Variants in MYO10 observed in about 807,000 individuals in gnomAD.
MYO10 encodes myosin X.
Under a neutral mutation model 257.3 loss-of-function variants are expected in MYO10, and 133 were observed. That is an observed-to-expected ratio of 0.52 (90% confidence interval 0.45 to 0.60). The LOEUF is 0.60. MYO10 is among the 20% of genes least tolerant of loss of function. MYO10 has a pLI of 0.00. For synonymous variants in MYO10, 1,104 were observed against 1,028.6 expected (o/e 1.07, Z -1.40); for missense variants, 2,399 against 2,635.7 (o/e 0.91, Z 1.97).
chr5:16,874,343 GC>G (rs1472857447), intron 2 of MYO10, among the ~76,000 whole-genome samples: 417 of 35,286 alleles, frequency 0.012, 18 homozygotes, highest in African/African-American at 0.044. Context: ...AAAAAAAAAA[GC>G]GGGGGGGGGG....
rs1429150475 is a variant in MYO10, at chr5:16,662,712, CACCT to C, written c.*3976_*3979del. Reference sequence around the variant, plus strand: ...CTTGAATTATAGCTCCCATAATCCCCACCTGTCACGGGAGGGACCTGATGGGAGG... The same window carrying C: ...CTTGAATTATAGCTCCCATAATCCCCGTCACGGGAGGGACCTGATGGGAGG... On this transcript the variant is annotated 3_prime_UTR_variant, in exon 41 of 41. Transcript: ENST00000513610. The C allele has an allele frequency of 2.6e-5, 4 of 152,094 alleles. No individual in the cohort carries two copies. The South Asian group carries it at 8.3e-4, about 32-fold the overall frequency. The allele number at this position is 152,094 out of a possible 1,614,324, so 9.4% of individuals were successfully genotyped here.
intron 2 of MYO10, among the ~76,000 whole-genome samples, chr5:16,844,984 T>C (rs1318185402): frequency 6.6e-6 from 1 of 151,960 alleles, no homozygotes; most frequent in Non-Finnish European, 1.5e-5. Context: ...ACACAGTGTA[T>C]TTCCCTTTTC....
At chr5:16,743,675 C>T (rs1740089898) in intron 19 of MYO10, among the ~76,000 whole-genome samples, 1 of 151,936 alleles carries the variant, frequency 6.6e-6, no homozygotes, top group African/African-American at 2.4e-5. Context: ...CTCAATGCTT[C>T]ACCCTTTGAC....
rs185651996 is a variant in MYO10, at chr5:16,674,923, G to C, written c.4894C>G (p.Leu1632Val). Residue 1632 changes from leucine to valine, a missense_variant, in exon 35 of 41, where the codon CTG becomes GTG. Leu to Val is a conservative substitution (Grantham distance 32, BLOSUM62 1). Around this residue, in one of 3 missense-constraint regions of MYO10, gnomAD observed 1,820 missense variants for 1,939.4 expected, o/e 0.94. Transcript: ENST00000513610. ...AGGAAGGTGCAGCTCAGGCATGTCA[G>C]GATCTGCCAGCTGTACAGGTTGCCC... Reference protein sequence around the residue: ...SVGNLYSWQILTCLSCTFLPS... With the variant: ...SVGNLYSWQIVTCLSCTFLPS... 7.3e-4 allele frequency: 1,184 copies of C among 1,614,032 alleles called. 7 individuals carry two copies. The highest frequency in any genetic ancestry group is 4.3e-5 in the Non-Finnish European group (51 of 1,179,900).
intron 3 of MYO10, among the ~76,000 whole-genome samples, chr5:16,800,031 C>A (rs1315651980): frequency 6.6e-6 from 1 of 152,092 alleles, no homozygotes; most frequent in Non-Finnish European, 1.5e-5. Context: ...CAGATGGCCT[C>A]AAAAAGCACA....
chr5:16,718,091 C>G (rs1441065673), intron 19 of MYO10, among the ~76,000 whole-genome samples: 4 of 152,232 alleles, frequency 2.6e-5, no homozygotes, highest in Non-Finnish European at 4.4e-5. Flanking sequence ...GGACTTAGCA[C>G]CTGGGCCAGT....
At chr5:16,765,091 A>T (rs1465464968) in intron 11 of MYO10, among the ~76,000 whole-genome samples, 1 of 152,120 alleles carries the variant, frequency 6.6e-6, no homozygotes, top group Non-Finnish European at 1.5e-5. Context: ...TATGGTCAGC[A>T]TTTTCATTTA....
rs539862992 is a variant in MYO10, at chr5:16,723,222, A to G, written c.1930-11977T>C. Among the ~76,000 whole-genome samples, 525 of 150,510 alleles carry G rather than the reference A, an allele frequency of 3.5e-3. 4 individuals carry two copies. Among genetic ancestry groups the G allele is most frequent in the African/African-American group, 0.013 (501 of 39,968 alleles). ...ACACAGTGAAACCCCGTCTCTACTA[A>G]AAATACAAAAAAAAAATTAGCTGGG... On this transcript the variant is annotated intron_variant, in intron 19 of 40. Coordinates refer to ENST00000513610, the MANE Select transcript of MYO10 (RefSeq NM_012334.3).
rs1740711883 is a variant in MYO10, at chr5:16,761,489, G to A, written c.1714C>T (p.Leu572Phe). Residue 572 changes from leucine (L) to phenylalanine (F), a missense_variant, in exon 17 of 41, where the codon CTT becomes TTT. Leu to Phe is a conservative substitution (Grantham distance 22). Around this residue, in one of 3 missense-constraint regions of MYO10, gnomAD observed 1,820 missense variants for 1,939.4 expected, o/e 0.94. Coordinates refer to ENST00000513610, the MANE Select transcript of MYO10 (RefSeq NM_012334.3). ...CGGCTTTCTCTTAGCAAATTGAGAA[G>A]GTCATCTCGAAATGTATCTCTGTTC... Reference protein sequence around the residue: ...EKNRDTFRDDLLNLLRESRFD... With the variant: ...EKNRDTFRDDFLNLLRESRFD... 6.2e-7 allele frequency: 1 copy of A among 1,612,872 alleles called. No homozygotes were observed. Among genetic ancestry groups the A allele is most frequent in the Non-Finnish European group, 8.5e-7 (1 of 1,179,488 alleles).
intron 1 of MYO10, among the ~76,000 whole-genome samples, chr5:16,883,101 G>A (rs1439627350): frequency 1.3e-5 from 2 of 151,842 alleles, no homozygotes; most frequent in African/African-American, 4.8e-5. Context: ...ATTTTTAGTA[G>A]AGACGAGGTT....
At chr5:16,930,998 A>G (rs40984) in intron 1 of MYO10, among the ~76,000 whole-genome samples, 71,738 of 152,004 alleles carry the variant, frequency 0.47, 17,281 homozygotes, top group African/African-American at 0.54. Flanking sequence ...CCGGCTGGGC[A>G]TGGTGGCTCA....
chr5:16,883,866 G>T (rs1185162524), intron 1 of MYO10, among the ~76,000 whole-genome samples: 1 of 152,142 alleles, frequency 6.6e-6, no homozygotes, highest in East Asian at 1.9e-4. Context: ...GATGACAGTG[G>T]ACTTTAAATA....
intron 19 of MYO10, among the ~76,000 whole-genome samples, chr5:16,747,947 G>GAAAAAAAAAA (rs1216946177): frequency 2.8e-4 from 23 of 81,584 alleles, no homozygotes; most frequent in African/African-American, 4.5e-4. Flanking sequence ...AAAAAAAAAA[G>GAAAAAAAAAA]AAAAAAAAAA....
chr5:16,724,581 A>G (rs1385758341), intron 19 of MYO10, among the ~76,000 whole-genome samples: 1 of 151,932 alleles, frequency 6.6e-6, no homozygotes, highest in African/African-American at 2.4e-5. Context: ...TTTTTTAATG[A>G]CTCACATGAC....
At chr5:16,873,830 A>G (rs886447540) in intron 2 of MYO10, among the ~76,000 whole-genome samples, 1 of 152,098 alleles carries the variant, frequency 6.6e-6, no homozygotes, top group African/African-American at 2.4e-5. Context: ...GAGACAGGGC[A>G]CCAAGTCCCT....
intron 19 of MYO10, chr5:16,738,180 C>T: frequency 3.0e-6 from 3 of 985,282 alleles, no homozygotes; most frequent in Non-Finnish European, 3.6e-6. Context: ...CTTTTGGAGC[C>T]CAGCGAGTGA....
rs776557100 is a variant in MYO10 at position 16,675,154 on chromosome 5, G to A, written c.4667-4C>T. On this transcript the variant is annotated splice_region_variant and splice_polypyrimidine_tract_variant and intron_variant, in intron 34 of 40. Coordinates refer to ENST00000513610, the MANE Select transcript of MYO10 (RefSeq NM_012334.3). ...GTATAGCCTTTGTCTTTGAGCACTAGGACAAGCAAAACAAACACGGAACTC... is the reference window on the plus strand; with the variant it reads ...GTATAGCCTTTGTCTTTGAGCACTAAGACAAGCAAAACAAACACGGAACTC... 10 of 1,612,684 alleles carry A rather than the reference G, an allele frequency of 6.2e-6. No homozygotes were observed. The Admixed American group carries it at 6.7e-5, about 11-fold the overall frequency.
rs1449839144 is a variant in MYO10, at chr5:16,766,130, A to T, written c.1129T>A (p.Ser377Thr). The change falls in exon 11 of 41, where the codon TCA becomes ACA. Residue 377 changes from serine (S) to threonine (T), a missense_variant. This residue lies in a region of MYO10 where 337 missense variants were observed against 446.8 expected (regional missense o/e 0.75). Coordinates refer to ENST00000513610, the MANE Select transcript of MYO10 (RefSeq NM_012334.3). ...ATCTCTTCTCCCCTGAGGAACATTG[A>T]TCTCTGGGTCAAAGCATCTGTGAGC... is the stretch of plus-strand genomic sequence containing the variant. ...TQLTDALTQRSMFLRGEEILT... is the reference protein window; with the variant it reads ...TQLTDALTQRTMFLRGEEILT... 3 of 1,613,824 alleles carry T rather than the reference A, an allele frequency of 1.9e-6. No homozygotes were observed. The highest frequency in any genetic ancestry group is 1.7e-4 in the Middle Eastern group (1 of 6,060).
chr5:16,791,990 C>T (rs1404090802), intron 4 of MYO10, among the ~76,000 whole-genome samples: 1 of 152,150 alleles, frequency 6.6e-6, no homozygotes, highest in East Asian at 1.9e-4. Context: ...AATACACTGA[C>T]AGTCCCTCTA....
Sources: gnomAD v4.1 joint callset for allele counts (sites outside exome capture counted in the v4.1 genomes callset) on GRCh38, gnomAD v4.1.1 for gene constraint, gnomAD v4.1.1 regional missense constraint, MANE v1.5 for transcripts, NCBI Gene and HGNC (gene_info 2026-07-23, HGNC 2026-07-21) for gene names.